The following SLC39A10 variants were observed in gnomAD, a reference collection of about 807,000 sequenced individuals.
SLC39A10 encodes zinc transporter ZIP10.
Under a neutral mutation model 65.1 loss-of-function variants are expected in SLC39A10, and 13 were observed. The observed-to-expected ratio is 0.20, with a 90% confidence interval of 0.13 to 0.32. The LOEUF (loss-of-function observed/expected upper bound fraction) is 0.32, where lower values mean the gene tolerates loss of function less well. SLC39A10 is among the 10% of genes least tolerant of loss of function. The pLI is 1.00. For missense variants in SLC39A10, 831 were observed against 1,018.4 expected (o/e 0.82, Z 2.50); for synonymous variants, 321 against 342.2 (o/e 0.94, Z 0.68).
At chr2:195,693,241 G>T (rs1194963094) in intron 3 of SLC39A10, among the ~76,000 whole-genome samples, 1 of 152,094 alleles carries the variant, frequency 6.6e-6, no homozygotes, top group African/African-American at 2.4e-5. Flanking sequence ...TTTTGTTGAG[G>T]ACTTTTGCAT....
intron 1 of SLC39A10, among the ~76,000 whole-genome samples, chr2:195,667,901 A>G (rs1466518352): frequency 6.6e-6 from 1 of 152,224 alleles, no homozygotes; most frequent in Non-Finnish European, 1.5e-5. Context: ...AATGTAGGAA[A>G]ATTAACAAAT....
intron 1 of SLC39A10, among the ~76,000 whole-genome samples, chr2:195,663,625 T>G (rs1232173769): frequency 6.6e-6 from 1 of 152,102 alleles, no homozygotes; most frequent in African/African-American, 2.4e-5. Context: ...ATATCATATT[T>G]TCATAATTTT....
At chr2:195,666,453 T>C (rs1221608345) in intron 1 of SLC39A10, among the ~76,000 whole-genome samples, 1 of 152,142 alleles carries the variant, frequency 6.6e-6, no homozygotes, top group East Asian at 1.9e-4. Context: ...ATTTTTAGAA[T>C]AAAGACAGCT....
At chr2:195,697,782 A>AT (rs1449377094) in intron 3 of SLC39A10, among the ~76,000 whole-genome samples, 2 of 152,232 alleles carry the variant, frequency 1.3e-5, no homozygotes, top group Non-Finnish European at 2.9e-5. Context: ...ACACTTTTCA[A>AT]TAAAAGACAT....
chr2:195,625,508 C>T (rs1384201015), intron 2 of SLC39A10, among the ~76,000 whole-genome samples: 2 of 151,894 alleles, frequency 1.3e-5, no homozygotes, highest in Admixed American at 6.6e-5. Flanking sequence ...AACTCCGGAC[C>T]TCAGGTGATC....
At chr2:195,678,776 T>C (rs529373107) in intron 1 of SLC39A10, among the ~76,000 whole-genome samples, 2 of 152,250 alleles carry the variant, frequency 1.3e-5, no homozygotes, top group African/African-American at 4.8e-5. Context: ...AAGTGTAAAA[T>C]ACATGACAGA....
chr2:195,631,576 C>T (rs1688586679), intron 2 of SLC39A10, among the ~76,000 whole-genome samples: 1 of 152,150 alleles, frequency 6.6e-6, no homozygotes, highest in Non-Finnish European at 1.5e-5. Context: ...TATATAACAT[C>T]TATGTTCATT....
intron 9 of SLC39A10, among the ~76,000 whole-genome samples, chr2:195,732,179 T>G (rs2105850733): frequency 6.6e-6 from 1 of 152,348 alleles, no homozygotes; most frequent in South Asian, 2.1e-4. Flanking sequence ...GTTTATCTTG[T>G]AAACTTTGGA....
In SLC39A10 at chr2:195,737,688, CAA is replaced by C. The variant is rs1236373544; in HGVS notation, c.*2649_*2650del. The C allele has an allele frequency of 8.5e-5, 34 of 401,748 alleles. No homozygotes were observed. The highest frequency in any genetic ancestry group is 1.4e-4 in the Non-Finnish European group (31 of 219,386). The allele number at this position is 401,748 out of a possible 1,614,324, so 24.9% of individuals were successfully genotyped here. On this transcript the variant is annotated 3_prime_UTR_variant, in exon 10 of 10. Transcript: ENST00000359634. ...GGAACTCCTCCAAAATAAAGTTACT[CAA>C]AGAGAGCAAATATGCCAGTGTGTTT...
chr2:195,657,656 T>C (rs1689206825), intron 1 of SLC39A10: 3 of 982,810 alleles, frequency 3.1e-6, no homozygotes, highest in Non-Finnish European at 3.6e-6. Flanking sequence ...GAGTGACCGC[T>C]GGGCGGGTGG....
intron 3 of SLC39A10, among the ~76,000 whole-genome samples, chr2:195,704,153 T>G (rs1372923999): frequency 6.6e-6 from 1 of 152,336 alleles, no homozygotes; most frequent in South Asian, 2.1e-4. Context: ...TAAATACATT[T>G]TATTTTTTTC....
chr2:195,652,318 C>G (rs1316484211), upstream of SLC39A10, among the ~76,000 whole-genome samples: 2 of 152,038 alleles, frequency 1.3e-5, no homozygotes, highest in African/African-American at 4.8e-5. Context: ...GACGCCGAGG[C>G]GGGTGAATCA....
In SLC39A10 at chr2:195,635,488, G is replaced by A. The variant is rs529682945; in HGVS notation, c.-12+29255G>A. On this transcript the variant is annotated intron_variant, in intron 2 of 2. Transcript: ENST00000458054. ...TCACTGCATTGATGGTGCAGAAGCA[G>A]CAGTAGTGGATAGCACTGCCAGTAG... Among the ~76,000 whole-genome samples the A allele has an allele frequency of 2.6e-5, 4 of 152,352 alleles. No homozygotes were observed. In the South Asian group the frequency reaches 8.3e-4, roughly 32 times the overall value.
intron 2 of SLC39A10, among the ~76,000 whole-genome samples, chr2:195,640,337 A>T (rs972252937): frequency 8.9e-6 from 1 of 112,662 alleles, no homozygotes; most frequent in African/African-American, 3.5e-5. Flanking sequence ...TGAAGCATTA[A>T]AAGAAAAAAA....
intron 1 of SLC39A10, chr2:195,674,477 A>C: frequency 2.2e-6 from 1 of 448,658 alleles, no homozygotes; most frequent in Non-Finnish European, 2.9e-6. Flanking sequence ...GGGTTTCACC[A>C]TGTTGGTCAG....
intron 3 of SLC39A10, among the ~76,000 whole-genome samples, chr2:195,702,377 T>A (rs1274660161): frequency 6.6e-6 from 1 of 152,210 alleles, no homozygotes; most frequent in Non-Finnish European, 1.5e-5. Flanking sequence ...GGACTAAGGA[T>A]GGCAGATGGG....
rs139503265 is a variant in SLC39A10, at chr2:195,735,408, AAT to A, written c.*370_*371del. On this transcript the variant is annotated 3_prime_UTR_variant, in exon 10 of 10. Coordinates refer to ENST00000359634, the MANE Select transcript of SLC39A10 (RefSeq NM_020342.3). ...CAAAAAAAATCATTTAAACTTTAAA[AAT>A]ATTTTAAATGGACTTTGGGGAGACA... The A allele has an allele frequency of 6.7e-3, 1,057 of 157,086 alleles. 7 individuals carry two copies. The highest frequency in any genetic ancestry group is 0.024 in the African/African-American group (1,003 of 41,776). 9.7% of individuals were successfully genotyped at this position (157,086 alleles called of 1,614,324 possible).
In SLC39A10 at chr2:195,729,747, C is replaced by T. The variant is rs558557304; in HGVS notation, c.2337+1398C>T. Among the ~76,000 whole-genome samples, 4 of 152,176 alleles carry T rather than the reference C, an allele frequency of 2.6e-5. No individual in the cohort carries two copies. The South Asian group carries it at 8.3e-4, about 32-fold the overall frequency. ...GGGACCTCTCTTAGTTCCAACTTCCCCTTTAGCTATCACCCTATTGCTGCT... is the reference window on the plus strand; with the variant it reads ...GGGACCTCTCTTAGTTCCAACTTCCTCTTTAGCTATCACCCTATTGCTGCT... On this transcript the variant is annotated intron_variant, in intron 9 of 9. Transcript: ENST00000359634.
Position 195,680,527 on chromosome 2 carries a change from T to C in SLC39A10, c.485T>C (p.Val162Ala). The change falls in exon 2 of 10, where the codon GTG becomes GCG. Residue 162 changes from valine (V) to alanine (A), a missense_variant. By Grantham distance (64) the Val-to-Ala change is moderately conservative. Transcript: ENST00000359634. ...KCDPEKETVE[V>A]SVKSDDKHMH... ...GATCCAGAGAAAGAGACAGTTGAAG[T>C]GTCTGTAAAATCTGATGATAAACAT... 6.2e-7 allele frequency: 1 copy of C among 1,614,150 alleles called. No individual in the cohort carries two copies. The highest frequency in any genetic ancestry group is 8.5e-7 in the Non-Finnish European group (1 of 1,180,030).
Sources: gnomAD v4.1 joint callset for allele counts (sites outside exome capture counted in the v4.1 genomes callset) on GRCh38, gnomAD v4.1.1 for gene constraint, MANE v1.5 for transcripts, NCBI Gene and HGNC (gene_info 2026-07-23, HGNC 2026-07-21) for gene names.